FYN: variants seen among roughly 807,000 people sequenced by gnomAD.
FYN encodes FYN proto-oncogene, Src family tyrosine kinase.
A neutral mutation model predicts 70.2 loss-of-function variants in FYN; 10 were observed. That is an observed-to-expected ratio of 0.14 (90% confidence interval 0.09 to 0.24). The LOEUF (loss-of-function observed/expected upper bound fraction) is 0.24, where lower values mean the gene tolerates loss of function less well. Ranked by LOEUF, FYN falls within the 10% of genes least tolerant of loss-of-function variation. FYN has a pLI of 1.00. For synonymous variants in FYN, 236 were observed against 248.6 expected, an observed-to-expected ratio of 0.95 and a Z score of 0.48; for missense variants, 319 against 673.1, an observed-to-expected ratio of 0.47 and a Z score of 5.82.
intron 2 of FYN, among the ~76,000 whole-genome samples, chr6:111,799,393 TAC>T (rs757840358): frequency 4.9e-4 from 74 of 152,106 alleles, no homozygotes; most frequent in Non-Finnish European, 8.8e-4. Flanking sequence ...GAGGGAAAAA[TAC>T]AGAGACATTA....
chr6:111,718,308 T>C (rs1800766197), intron 4 of FYN, among the ~76,000 whole-genome samples: 1 of 152,210 alleles, frequency 6.6e-6, no homozygotes, highest in African/African-American at 2.4e-5. Context: ...GACATGCATA[T>C]ATATTAAAAC....
chr6:111,739,473 C>T (rs1801853490), intron 3 of FYN, among the ~76,000 whole-genome samples: 1 of 152,232 alleles, frequency 6.6e-6, no homozygotes, highest in African/African-American at 2.4e-5. Flanking sequence ...TGCTGTGGTC[C>T]CACTGGAGCT....
chr6:111,807,840 T>C (rs1772198331), intron 2 of FYN, among the ~76,000 whole-genome samples: 1 of 152,164 alleles, frequency 6.6e-6, no homozygotes, highest in African/African-American at 2.4e-5. Context: ...CCGGATGTGG[T>C]GGCTCATGCC....
chr6:111,701,474 A>C (rs1318993823), intron 8 of FYN, among the ~76,000 whole-genome samples: 1 of 152,216 alleles, frequency 6.6e-6, no homozygotes, highest in Non-Finnish European at 1.5e-5. Flanking sequence ...TTTATGTGTC[A>C]GCATTTCAAA....
intron 1 of FYN, among the ~76,000 whole-genome samples, chr6:111,850,874 G>A (rs1471236422): frequency 6.6e-6 from 1 of 152,162 alleles, no homozygotes; most frequent in South Asian, 2.1e-4. Flanking sequence ...GCTCAGACAA[G>A]GCCCTCTGTT....
intron 4 of FYN, chr6:111,719,560 C>T (rs1208493251): frequency 2.3e-6 from 1 of 433,024 alleles, no homozygotes; most frequent in Non-Finnish European, 4.2e-6. Context: ...TTGTAGCTCA[C>T]TAACCCATAT....
At chr6:111,738,620 C>A (rs1362982594) in intron 3 of FYN, among the ~76,000 whole-genome samples, 14 of 152,234 alleles carry the variant, frequency 9.2e-5, no homozygotes, top group Admixed American at 9.2e-4. Context: ...CCCTAGCTGT[C>A]TGAGCAAGAT....
At chr6:111,849,733 G>A (rs1316327424) in intron 1 of FYN, among the ~76,000 whole-genome samples, 2 of 152,214 alleles carry the variant, frequency 1.3e-5, no homozygotes, top group African/African-American at 2.4e-5. Context: ...AATTCCTGGT[G>A]CTGGGCTATG....
Position 111,702,990 on chromosome 6 carries a change from C to G in FYN, c.592G>C (p.Asp198His). 1 of 1,614,092 alleles carries G rather than the reference C, an allele frequency of 6.2e-7. No individual in the cohort carries two copies. ...SIRDWDDMKG[D>H]HVKHYKIRKL... ...CGAATTTTATAATGTTTGACATGGT[C>G]TCCTTTCATATCATCCCAATCACGG... Residue 198 changes from aspartate to histidine, a missense_variant, in exon 8 of 14, where the codon GAC (aspartate) becomes CAC (histidine). Asp to His is a moderately conservative substitution (Grantham distance 81, BLOSUM62 -1). Transcript: ENST00000354650.
Position 111,859,339 on chromosome 6 carries a change from C to T in FYN, c.-122-12710G>A, listed in dbSNP as rs552169525. On this transcript the variant is annotated intron_variant, in intron 1 of 13. Transcript: ENST00000354650. ...TGACAAGTATTACCAGGCAGAGTCA[C>T]AAAATTGGGCTAAAGGGAACTATAA... Among the ~76,000 whole-genome samples, 6 of 152,292 alleles carry T rather than the reference C, an allele frequency of 3.9e-5. No homozygotes were observed. In the East Asian group the frequency reaches 1.2e-3, roughly 29 times the overall value.
At chr6:111,759,601 C>G (rs112950424) in intron 3 of FYN, among the ~76,000 whole-genome samples, 1 of 152,174 alleles carries the variant, frequency 6.6e-6, no homozygotes, top group Non-Finnish European at 1.5e-5. Flanking sequence ...GGTTCCCCCC[C>G]TAGGGGTTCT....
chr6:111,684,548 G>A (rs1798910241), intron 12 of FYN, among the ~76,000 whole-genome samples: 1 of 152,174 alleles, frequency 6.6e-6, no homozygotes, highest in African/African-American at 2.4e-5. Flanking sequence ...AGGATAAATT[G>A]TGGAAGGGCA....
intron 2 of FYN, among the ~76,000 whole-genome samples, chr6:111,814,292 T>C (rs944069455): frequency 3.4e-5 from 5 of 148,142 alleles, no homozygotes; most frequent in Non-Finnish European, 7.4e-5. Flanking sequence ...TATGAGTTGT[T>C]ATAATTCTAA....
chr6:111,661,885 C>G lies in FYN; in HGVS notation c.1468G>C (p.Asp490His), dbSNP rs756230899. ...ERGYRMPCPQDCPISLHELMI... is the reference protein window; with the variant it reads ...ERGYRMPCPQHCPISLHELMI... ...AGCTCATGCAGAGAGATGGGGCAGT[C>G]CTGCGGGCAGGGCATCCTGTAGCCT... Residue 490 changes from aspartate to histidine, a missense_variant, in exon 14 of 14, where the codon GAC (aspartate) becomes CAC (histidine). This residue lies in a region of FYN where 64 missense variants were observed against 223.0 expected (regional missense o/e 0.29). Transcript: ENST00000354650. This position sits in a 1 kb window ranked among gnomAD's most constrained non-coding sequence, Gnocchi z 4.0. 6.2e-7 allele frequency: 1 copy of G among 1,614,136 alleles called. No homozygotes were observed. Among genetic ancestry groups the G allele is most frequent in the Non-Finnish European group, 8.5e-7 (1 of 1,179,994 alleles).
chr6:111,666,116 C>T lies in FYN; in HGVS notation c.1406-4169G>A, dbSNP rs549183484. Among the ~76,000 whole-genome samples, 65 of 151,512 alleles carry T rather than the reference C, an allele frequency of 4.3e-4. No homozygotes were observed. In the South Asian group the frequency reaches 0.01, roughly 24 times the overall value. ...TCCCTGGTTCAAGCAATTCTCATGC[C>T]TCAGCCTCCTGAGTAGCTGGGATCC... On this transcript the variant is annotated intron_variant, in intron 13 of 13. Transcript: ENST00000354650.
At chr6:111,761,687 C>T (rs1803013253) in intron 3 of FYN, among the ~76,000 whole-genome samples, 1 of 152,180 alleles carries the variant, frequency 6.6e-6, no homozygotes, top group Non-Finnish European at 1.5e-5. Context: ...TCCGGGGCGA[C>T]AACCACTTGG....
chr6:111,719,175 T>C (rs2128461276), intron 4 of FYN, among the ~76,000 whole-genome samples: 1 of 152,284 alleles, frequency 6.6e-6, no homozygotes, highest in South Asian at 2.1e-4. Flanking sequence ...TAGGGATGCA[T>C]GACATAACTT....
At chr6:111,765,352 T>C (rs1194357829) in intron 3 of FYN, among the ~76,000 whole-genome samples, 1 of 152,086 alleles carries the variant, frequency 6.6e-6, no homozygotes, top group Non-Finnish European at 1.5e-5. Context: ...GCTGGTCTTC[T>C]TATAGGAAGG....
chr6:111,822,420 A>T (rs1255341023), intron 2 of FYN, among the ~76,000 whole-genome samples: 1 of 152,094 alleles, frequency 6.6e-6, no homozygotes, highest in East Asian at 1.9e-4. Flanking sequence ...TATAGGTGGG[A>T]ATTGAACAAT....
Sources: gnomAD v4.1 joint callset for allele counts (sites outside exome capture counted in the v4.1 genomes callset) on GRCh38, gnomAD v4.1.1 for gene constraint, gnomAD v4.1.1 regional missense constraint, Gnocchi (gnomAD v3.1) non-coding constraint, MANE v1.5 for transcripts, NCBI Gene and HGNC (gene_info 2026-07-23, HGNC 2026-07-21) for gene names.